Variants in PKD2L1 observed in about 807,000 individuals in gnomAD.
PKD2L1 encodes the protein polycystin 2 like 1, transient receptor potential cation channel, also known as polycystin-2-like protein 1.
Under a neutral mutation model 93.0 loss-of-function variants are expected in PKD2L1, and 77 were observed. The ratio of observed to expected loss-of-function variants is 0.83; its 90% CI spans 0.69 to 1.00. The LOEUF is 1.00. PKD2L1 is among the 50% of genes least tolerant of loss of function. The pLI is 0.00. For synonymous variants in PKD2L1, 390 were observed against 388.0 expected (o/e 1.01, Z -0.06); for missense variants, 977 against 990.9 (o/e 0.99, Z 0.19).
intron 8 of PKD2L1, 88 bp from the exon 9 acceptor site, chr10:100,294,743 G>C (rs1035376651): frequency 2.2e-4 from 341 of 1,553,762 alleles, no homozygotes; most frequent in Non-Finnish European, 4.2e-5. Context: ...CTCACCACAC[G>C]TTCACCCCAA....
Position 100,288,360 on chromosome 10 carries a change from A to T in PKD2L1, c.*36T>A. On this transcript the variant is annotated 3_prime_UTR_variant, in exon 16 of 16. Transcript: ENST00000318222. Reference sequence around the variant, plus strand: ...ACCAGGAGGCAGCCTCTTGCAGAAGATCCTTCATAGACTTTGCTCCGGGAG... The same window carrying T: ...ACCAGGAGGCAGCCTCTTGCAGAAGTTCCTTCATAGACTTTGCTCCGGGAG... 7.3e-7 allele frequency: 1 copy of T among 1,366,772 alleles called. No homozygotes were observed. The highest frequency in any genetic ancestry group is 1.0e-6 in the Non-Finnish European group (1 of 954,674). The allele number at this position is 1,366,772 out of a possible 1,614,324, so 84.7% of individuals were successfully genotyped here.
chr10:100,318,851 C>CA (rs1849164588), intron 2 of PKD2L1, among the ~76,000 whole-genome samples: 1 of 125,238 alleles, frequency 8.0e-6, no homozygotes, highest in Non-Finnish European at 1.8e-5. Context: ...CTCTCTCTAT[C>CA]TTTTTTTTTT....
At chr10:100,306,030 C>G (rs559967821) in intron 2 of PKD2L1, among the ~76,000 whole-genome samples, 1 of 152,010 alleles carries the variant, frequency 6.6e-6, no homozygotes, top group African/African-American at 2.4e-5. Flanking sequence ...AAAAAAAATA[C>G]ATAAATTAGC....
chr10:100,313,549 C>A (rs1589675654), intron 2 of PKD2L1, among the ~76,000 whole-genome samples: 1 of 152,196 alleles, frequency 6.6e-6, no homozygotes, highest in East Asian at 1.9e-4. Context: ...GCAGTATAAG[C>A]TACCTGGATC....
rs553204088 is a variant in PKD2L1, at chr10:100,303,474, G to A, written c.350-3756C>T. Among the ~76,000 whole-genome samples the A allele has an allele frequency of 1.1e-4, 17 of 152,180 alleles. No homozygotes were observed. In the South Asian group the frequency reaches 2.1e-3, roughly 19 times the overall value. ...GCTGGGATTACAGGCATGAGCCACC[G>A]CGCCCGGCCCACATCAAACATTTTA... is the stretch of plus-strand genomic sequence containing the variant. On this transcript the variant is annotated intron_variant, in intron 2 of 15. Transcript: ENST00000318222.
chr10:100,325,523 A>T (rs749985934), intron 2 of PKD2L1, among the ~76,000 whole-genome samples: 1 of 152,164 alleles, frequency 6.6e-6, no homozygotes, highest in Non-Finnish European at 1.5e-5. Flanking sequence ...AAGGCCTCCT[A>T]ATTCTCTTTC....
intron 2 of PKD2L1, among the ~76,000 whole-genome samples, chr10:100,321,862 G>A (rs1370962821): frequency 2.5e-5 from 1 of 40,588 alleles, no homozygotes; most frequent in East Asian, 6.1e-4. Flanking sequence ...AAGGCAGGCA[G>A]GCAGGCAGGC....
chr10:100,315,914 A>G lies in PKD2L1; in HGVS notation c.349+13297T>C, dbSNP rs138001636. ...CTTTAGGCCTCCCTGGCAATGACTT[A>G]AAAACAGTTAAAAACAGTTTTAACA... On this transcript the variant is annotated intron_variant, in intron 2 of 15. Transcript: ENST00000318222. 2.8e-4 allele frequency among the ~76,000 whole-genome samples: 42 copies of G among 150,440 alleles called. 1 individual carries two copies. Among genetic ancestry groups the G allele is most frequent in the African/African-American group, 9.8e-4 (39 of 39,804 alleles).
At chr10:100,314,469 G>A (rs1222258178) in intron 2 of PKD2L1, among the ~76,000 whole-genome samples, 5 of 152,256 alleles carry the variant, frequency 3.3e-5, no homozygotes, top group South Asian at 2.1e-4. Flanking sequence ...GTCCAGGACC[G>A]AGAAGTATCC....
In PKD2L1 at chr10:100,291,409, A is replaced by G; in HGVS notation, c.1899T>C (p.His633=). The G allele has an allele frequency of 6.2e-7, 1 of 1,613,976 alleles. No individual in the cohort carries two copies. Among genetic ancestry groups the G allele is most frequent in the Non-Finnish European group, 8.5e-7 (1 of 1,179,948 alleles). Reference sequence around the variant, plus strand: ...AGGTGGCCGTGAGCTCAGTGATTTCATGCTCTGCGTGTCCCAGTCTGAGAA... The same window carrying G: ...AGGTGGCCGTGAGCTCAGTGATTTCGTGCTCTGCGTGTCCCAGTCTGAGAA... ...NTLRELGHAE[H]EITELTATFT... Residue 633 remains histidine, a synonymous_variant, in exon 12 of 16, where the codon CAT becomes CAC. Coordinates refer to ENST00000318222, the MANE Select transcript of PKD2L1 (RefSeq NM_016112.3).
chr10:100,324,705 G>A (rs748587239), intron 2 of PKD2L1, among the ~76,000 whole-genome samples: 14 of 152,108 alleles, frequency 9.2e-5, no homozygotes, highest in Non-Finnish European at 1.8e-4. Flanking sequence ...TATCCTTATT[G>A]GTAGAACAAT....
chr10:100,290,024 G>C lies in PKD2L1; in HGVS notation c.2241C>G (p.Ser747=). 1 of 1,614,162 alleles carries C rather than the reference G, an allele frequency of 6.2e-7. No homozygotes were observed. Among genetic ancestry groups the C allele is most frequent in the Non-Finnish European group, 8.5e-7 (1 of 1,180,012 alleles). ...GTGAAGGGCCACTCACCACGCCTGG[G>C]GAGGGAGCCAGCCACCCCTTCCTCT... ...MLERKGWLAP[S]PGVKEQAIWK... is the part of the protein sequence containing the mutation. Residue 747 remains serine (S), a synonymous_variant, in exon 14 of 16, where the codon TCC becomes TCG. Transcript: ENST00000318222.
chr10:100,328,785 C>T (rs1164439477), intron 2 of PKD2L1, among the ~76,000 whole-genome samples: 1 of 152,148 alleles, frequency 6.6e-6, no homozygotes, highest in Non-Finnish European at 1.5e-5. Flanking sequence ...GACAGGGTTT[C>T]GCCATGTTGG....
intron 2 of PKD2L1, among the ~76,000 whole-genome samples, chr10:100,312,329 T>C (rs1185576585): frequency 6.6e-6 from 1 of 152,224 alleles, no homozygotes; most frequent in African/African-American, 2.4e-5. Flanking sequence ...AGAGAACCTA[T>C]GACACATGGC....
At position 100,321,836 on chromosome 10, in the gene PKD2L1, A is replaced by AAAGCAAGC. The variant is rs369713705; in HGVS notation, c.349+7367_349+7374dup. Among the ~76,000 whole-genome samples, 23 of 3,562 alleles carry AAAGCAAGC rather than the reference A, an allele frequency of 6.5e-3. 8 individuals are homozygous for AAAGCAAGC. Among genetic ancestry groups the AAAGCAAGC allele is most frequent in the South Asian group, 0.014 (1 of 74 alleles). The allele number at this position is 3,562 out of a possible 152,430, so 2.3% of individuals were successfully genotyped here. ...GAAGGAAGGAAAGAAAGAAAGAAGG[A>AAAGCAAGC]AAGCAAGCAAGCAAGAAGGCAGGCA... On this transcript the variant is annotated intron_variant, in intron 2 of 15. Transcript: ENST00000318222.
In PKD2L1 at chr10:100,295,012, CGAA is replaced by C; in HGVS notation, c.1465_1467del (p.Phe489del). 1 of 1,614,096 alleles carries C rather than the reference CGAA, an allele frequency of 6.2e-7. No individual in the cohort carries two copies. Among genetic ancestry groups the C allele is most frequent in the Non-Finnish European group, 8.5e-7 (1 of 1,180,012 alleles). On this transcript the variant is annotated inframe_deletion, in exon 8 of 16. Transcript: ENST00000318222. ...AGCAGGTAGCCGAGTTGGGCATAGGCGAAGAAAACAATGAAGAACATGACGGCG... is the reference window on the plus strand; with the variant it reads ...AGCAGGTAGCCGAGTTGGGCATAGGCGAAAACAATGAAGAACATGACGGCG...
intron 2 of PKD2L1, among the ~76,000 whole-genome samples, chr10:100,322,344 C>G (rs553918772): frequency 6.6e-6 from 1 of 152,152 alleles, no homozygotes; most frequent in South Asian, 2.1e-4. Flanking sequence ...CTGGGCAACA[C>G]GGTGAAACCC....
chr10:100,289,354 A>G (rs1372495720), intron 14 of PKD2L1, among the ~76,000 whole-genome samples: 1 of 152,170 alleles, frequency 6.6e-6, no homozygotes, highest in African/African-American at 2.4e-5. Flanking sequence ...AGCCTGACCA[A>G]TATGGAGAAA....
At chr10:100,300,383 T>C (rs536323193) in intron 2 of PKD2L1, among the ~76,000 whole-genome samples, 363 of 122,486 alleles carry the variant, frequency 3.0e-3, no homozygotes, top group African/African-American at 0.012. Context: ...ACACATTGTG[T>C]GCAAGTTAAA....
Sources: allele counts gnomAD v4.1 joint callset (sites outside exome capture counted in the v4.1 genomes callset), GRCh38; gene constraint gnomAD v4.1.1; transcripts MANE v1.5; gene names NCBI Gene and HGNC (gene_info 2026-07-23, HGNC 2026-07-21).